SUPT3H: variants seen among roughly 807,000 people sequenced by gnomAD.
The protein encoded by SUPT3H is transcription initiation protein SPT3 homolog.
In SUPT3H, 44 loss-of-function variants were observed where a neutral mutation model predicts 44.3. The ratio of observed to expected loss-of-function variants is 0.99; its 90% CI spans 0.78 to 1.28. The LOEUF is 1.28. Among genes scored for constraint, SUPT3H ranks in the 50% most tolerant of loss-of-function variants. SUPT3H has a pLI of 0.00. For missense variants in SUPT3H, 380 were observed against 387.1 expected (o/e 0.98, Z 0.15); for synonymous variants, 124 against 125.6 (o/e 0.99, Z 0.09).
At chr6:45,008,159 G>C (rs1459668418) in intron 5 of SUPT3H, among the ~76,000 whole-genome samples, 1 of 151,932 alleles carries the variant, frequency 6.6e-6, no homozygotes, top group Non-Finnish European at 1.5e-5. Flanking sequence ...ATTTTTATGT[G>C]AATACATATT....
chr6:44,993,376 G>A (rs186698959), intron 6 of SUPT3H, among the ~76,000 whole-genome samples: 1 of 152,022 alleles, frequency 6.6e-6, no homozygotes, highest in African/African-American at 2.4e-5. Context: ...ATCTAGGTAA[G>A]AGTTAGGTTA....
chr6:44,901,002 C>T (rs995375921), intron 10 of SUPT3H, among the ~76,000 whole-genome samples: 5 of 152,096 alleles, frequency 3.3e-5, no homozygotes, highest in African/African-American at 1.2e-4. Flanking sequence ...AAGGAACATC[C>T]ACACCAAAAC....
intron 2 of SUPT3H, among the ~76,000 whole-genome samples, chr6:45,188,255 C>G (rs1056340725): frequency 6.6e-6 from 1 of 152,232 alleles, no homozygotes; most frequent in Non-Finnish European, 1.5e-5. Context: ...AAAGGTAAGA[C>G]TTCTTGATTT....
chr6:45,325,854 A>G (rs1314445133), intron 2 of SUPT3H, among the ~76,000 whole-genome samples: 1 of 151,912 alleles, frequency 6.6e-6, no homozygotes, highest in Non-Finnish European at 1.5e-5. Flanking sequence ...AAATTTTTAC[A>G]ACAAAGTAAT....
At chr6:45,179,127 A>G (rs955051660) in intron 2 of SUPT3H, among the ~76,000 whole-genome samples, 4 of 152,208 alleles carry the variant, frequency 2.6e-5, no homozygotes, top group Non-Finnish European at 4.4e-5. Flanking sequence ...TAGAAAATCT[A>G]GAAGAAATGG....
At chr6:45,362,133 A>G (rs1794369641) in intron 2 of SUPT3H, among the ~76,000 whole-genome samples, 1 of 152,216 alleles carries the variant, frequency 6.6e-6, no homozygotes, top group East Asian at 1.9e-4. Context: ...AATTCAAAAT[A>G]TGGTAAGTTC....
At chr6:45,235,193 T>G (rs1188989635) in intron 2 of SUPT3H, among the ~76,000 whole-genome samples, 1 of 152,168 alleles carries the variant, frequency 6.6e-6, no homozygotes, top group African/African-American at 2.4e-5. Context: ...TTCCAATGAA[T>G]TTTTCTGCAT....
intron 2 of SUPT3H, among the ~76,000 whole-genome samples, chr6:45,233,239 G>A (rs916864938): frequency 5.3e-5 from 8 of 152,186 alleles, no homozygotes; most frequent in South Asian, 2.1e-4. Context: ...TCCAGCCAGC[G>A]CTGTGCTGCT....
At chr6:45,325,742 A>G (rs1306364401) in intron 2 of SUPT3H, among the ~76,000 whole-genome samples, 1 of 151,862 alleles carries the variant, frequency 6.6e-6, no homozygotes, top group African/African-American at 2.4e-5. Context: ...ACTTTTCTAA[A>G]TCAGTATCTC....
At chr6:45,256,161 ACT>A (rs1773362070) in intron 2 of SUPT3H, among the ~76,000 whole-genome samples, 1 of 152,050 alleles carries the variant, frequency 6.6e-6, no homozygotes, top group African/African-American at 2.4e-5. Flanking sequence ...ACAGTGCAAG[ACT>A]CTGTCTCAAA....
At chr6:44,901,402 C>T (rs1003628439) in intron 10 of SUPT3H, among the ~76,000 whole-genome samples, 8 of 152,080 alleles carry the variant, frequency 5.3e-5, no homozygotes, top group Non-Finnish European at 4.4e-5. Flanking sequence ...CCGATATGAT[C>T]GACTGGAAGA....
intron 2 of SUPT3H, among the ~76,000 whole-genome samples, chr6:45,137,493 T>C (rs752833723): frequency 3.9e-5 from 6 of 151,922 alleles, no homozygotes; most frequent in Non-Finnish European, 8.8e-5. Flanking sequence ...TACCAACATA[T>C]ACCAATGTAA....
At chr6:45,293,051 G>A (rs1780568001) in intron 2 of SUPT3H, among the ~76,000 whole-genome samples, 1 of 152,044 alleles carries the variant, frequency 6.6e-6, no homozygotes, top group African/African-American at 2.4e-5. Context: ...TCAACAAGGT[G>A]TGGAACTTTC....
chr6:44,845,873 T>C (rs1363044815), intron 10 of SUPT3H, among the ~76,000 whole-genome samples: 2 of 152,204 alleles, frequency 1.3e-5, no homozygotes, highest in Non-Finnish European at 2.9e-5. Context: ...TGATCTGATT[T>C]TTCCGGTACA....
Position 45,183,051 on chromosome 6 carries a change from A to C in SUPT3H, c.102-77045T>G, listed in dbSNP as rs1310836109. Among the ~76,000 whole-genome samples, 5 of 152,230 alleles carry C rather than the reference A, an allele frequency of 3.3e-5. No homozygotes were observed. The South Asian group carries it at 1.0e-3, about 31-fold the overall frequency. On this transcript the variant is annotated intron_variant, in intron 2 of 10. Coordinates refer to ENST00000371459, the MANE Select transcript of SUPT3H (RefSeq NM_003599.4). ...TTCACTGCAGCATTATTCACAATAA[A>C]TAGCCAAAAGGTGGCAACAACCTAA...
intron 2 of SUPT3H, among the ~76,000 whole-genome samples, chr6:45,288,521 A>T (rs538226632): frequency 7.3e-4 from 104 of 141,690 alleles, no homozygotes; most frequent in Non-Finnish European, 1.5e-3. Flanking sequence ...TACACACAAT[A>T]AGAGATACAA....
intron 10 of SUPT3H, among the ~76,000 whole-genome samples, chr6:44,854,898 A>G (rs1183690391): frequency 1.3e-5 from 2 of 152,198 alleles, no homozygotes; most frequent in Non-Finnish European, 2.9e-5. Context: ...TCATTATATT[A>G]CTTAAGTTCA....
At chr6:44,946,615 A>ATGAC (rs1315487231) in intron 9 of SUPT3H, among the ~76,000 whole-genome samples, 1 of 152,186 alleles carries the variant, frequency 6.6e-6, no homozygotes, top group East Asian at 1.9e-4. Context: ...GCCTGAAGAT[A>ATGAC]TGACTGAACT....
chr6:45,281,952 T>C (rs1435408682), intron 2 of SUPT3H, among the ~76,000 whole-genome samples: 2 of 152,146 alleles, frequency 1.3e-5, no homozygotes, highest in African/African-American at 4.8e-5. Flanking sequence ...TTCTGCAGCA[T>C]CCACTGCTGA....
Sources: allele counts gnomAD v4.1 joint callset (sites outside exome capture counted in the v4.1 genomes callset), GRCh38; gene constraint gnomAD v4.1.1; transcripts MANE v1.5; gene names NCBI Gene and HGNC (gene_info 2026-07-23, HGNC 2026-07-21).